The following ST18 variants were observed in gnomAD, a reference collection of about 807,000 sequenced individuals.
ST18 encodes suppression of tumorigenicity 18 protein.
ST18 carries 50 observed loss-of-function variants against 110.0 expected under a neutral mutation model. The observed-to-expected ratio is 0.45, with a 90% CI of 0.36 to 0.58. The LOEUF is 0.58. Among genes scored for constraint, ST18 ranks in the 20% least tolerant of loss-of-function variants. ST18 has a pLI of 0.00. For synonymous variants in ST18, 461 were observed against 452.4 expected (o/e 1.02, Z -0.24); for missense variants, 1,306 against 1,280.1 (o/e 1.02, Z -0.31).
intron 8 of ST18, among the ~76,000 whole-genome samples, chr8:52,209,810 T>TATAC (rs1491569273): frequency 7.1e-5 from 10 of 140,532 alleles, no homozygotes; most frequent in African/African-American, 2.3e-4. Flanking sequence ...TATATATATA[T>TATAC]ACATGCTTAT....
intron 3 of ST18, chr8:52,222,060 C>A (rs1314686233): frequency 6.6e-6 from 1 of 152,186 alleles, no homozygotes; most frequent in Admixed American, 6.5e-5. Flanking sequence ...AACAGTCACA[C>A]TGGCAAACAA....
intron 2 of ST18, among the ~76,000 whole-genome samples, chr8:52,350,522 A>G (rs1302225666): frequency 6.6e-6 from 1 of 152,138 alleles, no homozygotes; most frequent in Non-Finnish European, 1.5e-5. Context: ...GTCATCCTTC[A>G]TTTGGAAACA....
chr8:52,132,938 A>G, intron 21 of ST18, 119 bp downstream of exon 21: 1 of 1,141,824 alleles, frequency 8.8e-7, no homozygotes, highest in Non-Finnish European at 1.3e-6. Flanking sequence ...TCTTGCTTAT[A>G]TTTAATAGGG....
At position 52,111,777 on chromosome 8, in the gene ST18, CT is replaced by C. The variant is rs778916012; in HGVS notation, c.*1420del. 2.6e-5 allele frequency: 4 copies of C among 152,560 alleles called. No homozygotes were observed. The highest frequency in any genetic ancestry group is 5.9e-5 in the Non-Finnish European group (4 of 68,024). 9.5% of individuals were successfully genotyped at this position (152,560 alleles called of 1,614,324 possible). ...TGTGCACACCAAAAAGGCAGTTTAG[CT>C]GGTTGTCTATACCTTTTCCTTAAAA... On this transcript the variant is annotated 3_prime_UTR_variant, in exon 26 of 26. Transcript: ENST00000689386.
chr8:52,193,381 C>T (rs919108199), intron 8 of ST18, among the ~76,000 whole-genome samples: 4 of 152,160 alleles, frequency 2.6e-5, no homozygotes, highest in African/African-American at 7.2e-5. Flanking sequence ...TGCCCTCAAC[C>T]TGAGAGCCAT....
intron 2 of ST18, chr8:52,405,944 C>T (rs1440221055): frequency 2.0e-5 from 3 of 152,114 alleles, no homozygotes; most frequent in South Asian, 2.1e-4. Flanking sequence ...ACTTTGAGTT[C>T]GACGTGGAGT....
chr8:52,163,936 G>T (rs779323310), intron 13 of ST18, 50 bp downstream of exon 13: 4 of 1,443,392 alleles, frequency 2.8e-6, no homozygotes, highest in Admixed American at 3.4e-5. Flanking sequence ...GCCCCGCTGT[G>T]CAGGAGCCTG....
At chr8:52,123,214 G>A (rs543200269) in intron 23 of ST18, among the ~76,000 whole-genome samples, 94 of 152,188 alleles carry the variant, frequency 6.2e-4, no homozygotes, top group African/African-American at 2.2e-3. Flanking sequence ...TGTTTGAAAT[G>A]GTTTGTACAT....
chr8:52,206,260 A>C (rs2080028725), intron 8 of ST18, among the ~76,000 whole-genome samples: 1 of 152,098 alleles, frequency 6.6e-6, no homozygotes. Flanking sequence ...CCCACAAATC[A>C]CTCAGTGCGC....
At chr8:52,258,754 C>G (rs1414753125) in intron 2 of ST18, among the ~76,000 whole-genome samples, 1 of 152,096 alleles carries the variant, frequency 6.6e-6, no homozygotes, top group Non-Finnish European at 1.5e-5. Context: ...GGTTAAAAAC[C>G]CCAATATAGA....
intron 3 of ST18, among the ~76,000 whole-genome samples, chr8:52,226,092 A>C (rs939014415): frequency 1.6e-4 from 24 of 152,198 alleles, no homozygotes; most frequent in Non-Finnish European, 2.6e-4. Flanking sequence ...CAAAGGACAG[A>C]GCAACAGTGA....
chr8:52,173,872 G>A (rs1334791278), intron 9 of ST18, among the ~76,000 whole-genome samples: 1 of 152,162 alleles, frequency 6.6e-6, no homozygotes, highest in African/African-American at 2.4e-5. Flanking sequence ...GAGTGTCTGT[G>A]CGGAAGACAA....
At chr8:52,208,846 G>T (rs903104791) in intron 8 of ST18, among the ~76,000 whole-genome samples, 20 of 144,764 alleles carry the variant, frequency 1.4e-4, no homozygotes, top group Non-Finnish European at 2.8e-4. Context: ...TAAATAAATA[G>T]ATAAATAAAA....
intron 2 of ST18, among the ~76,000 whole-genome samples, chr8:52,306,799 T>C (rs916450446): frequency 6.6e-6 from 1 of 151,888 alleles, no homozygotes; most frequent in African/African-American, 2.4e-5. Flanking sequence ...AAGAAAGAAA[T>C]AGAAATCAAA....
intron 2 of ST18, among the ~76,000 whole-genome samples, chr8:52,233,643 T>C (rs1206812153): frequency 2.0e-5 from 3 of 152,292 alleles, no homozygotes; most frequent in Admixed American, 2.0e-4. Flanking sequence ...CCACGACCAA[T>C]GAGAGGTCCG....
chr8:52,302,156 C>A (rs763800062), intron 2 of ST18, among the ~76,000 whole-genome samples: 1 of 152,120 alleles, frequency 6.6e-6, no homozygotes, highest in Non-Finnish European at 1.5e-5. Flanking sequence ...GGAGAGTGGA[C>A]GCAGTGGCAG....
At chr8:52,403,914 T>C (rs1843613461) in intron 2 of ST18, 1 of 152,208 alleles carries the variant, frequency 6.6e-6, no homozygotes. Flanking sequence ...TTACCAGGCT[T>C]TTCCCTCCTA....
chr8:52,154,185 C>G (rs1037610433), intron 15 of ST18, among the ~76,000 whole-genome samples: 1 of 152,206 alleles, frequency 6.6e-6, no homozygotes, highest in African/African-American at 2.4e-5. Flanking sequence ...GGCAAATCTG[C>G]CCTGCTCTTA....
chr8:52,284,236 T>A (rs1373892188), intron 2 of ST18, among the ~76,000 whole-genome samples: 2 of 152,182 alleles, frequency 1.3e-5, no homozygotes, highest in African/African-American at 4.8e-5. Context: ...TTAGAGGAAC[T>A]GCTTGGATGA....
Sources: gnomAD v4.1 joint callset for allele counts (sites outside exome capture counted in the v4.1 genomes callset) on GRCh38, gnomAD v4.1.1 for gene constraint, MANE v1.5 for transcripts, NCBI Gene and HGNC (gene_info 2026-07-23, HGNC 2026-07-21) for gene names.